Variants in SAMMSON observed in about 807,000 individuals in gnomAD.
The protein encoded by SAMMSON is long intergenic non-protein coding RNA 1212.
chr3:70,431,507 TA>T (rs1165689767), intron 2 of SAMMSON, among the ~76,000 whole-genome samples: 7 of 152,006 alleles, frequency 4.6e-5, no homozygotes, highest in Non-Finnish European at 8.8e-5. Flanking sequence ...AATCTGTCTC[TA>T]AAAAAATTAG....
At chr3:70,224,765 C>G (rs1192752209) in intron 4 of SAMMSON, among the ~76,000 whole-genome samples, 1 of 151,934 alleles carries the variant, frequency 6.6e-6, no homozygotes, top group Non-Finnish European at 1.5e-5. Context: ...AATGCTATTT[C>G]CAATTTTGCG....
chr3:70,103,779 A>G (rs140107932), intron 4 of SAMMSON, among the ~76,000 whole-genome samples: 33 of 152,320 alleles, frequency 2.2e-4, no homozygotes, highest in African/African-American at 7.0e-4. Context: ...ACTTGAAACA[A>G]TCATCTTAGA....
intron 2 of SAMMSON, among the ~76,000 whole-genome samples, chr3:70,433,622 A>C (rs570552960): frequency 6.6e-6 from 1 of 152,168 alleles, no homozygotes; most frequent in African/African-American, 2.4e-5. Context: ...TCATTCTAAT[A>C]GCTGTCTTTT....
At chr3:70,319,287 A>G (rs1165417336) in intron 7 of SAMMSON, among the ~76,000 whole-genome samples, 5 of 152,224 alleles carry the variant, frequency 3.3e-5, no homozygotes, top group African/African-American at 2.4e-5. Context: ...GGAAAAGGAC[A>G]GTGAAGTCGA....
chr3:70,350,215 A>T (rs1365990814), intron 7 of SAMMSON, among the ~76,000 whole-genome samples: 3 of 152,176 alleles, frequency 2.0e-5, no homozygotes, highest in African/African-American at 7.2e-5. Flanking sequence ...AATTGAAAAT[A>T]ATCTGTTTAC....
chr3:70,393,597 T>A (rs564036229), downstream of SAMMSON, among the ~76,000 whole-genome samples: 13 of 152,236 alleles, frequency 8.5e-5, no homozygotes, highest in Non-Finnish European at 1.6e-4. Flanking sequence ...AGGTTTGTGA[T>A]AAAAGCTTCT....
intron 6 of SAMMSON, among the ~76,000 whole-genome samples, chr3:70,263,095 C>A (rs1008510380): frequency 6.6e-6 from 1 of 152,054 alleles, no homozygotes; most frequent in African/African-American, 2.4e-5. Flanking sequence ...TATCTTTGAG[C>A]ATATAGGACA....
At chr3:70,068,511 C>G (rs1337028227) in intron 3 of SAMMSON, 1 of 151,964 alleles carries the variant, frequency 6.6e-6, no homozygotes, top group African/African-American at 2.4e-5. Flanking sequence ...TAGCAGTAAC[C>G]GCTTATGGGA....
chr3:70,278,283 G>T (rs2106678737), intron 6 of SAMMSON, among the ~76,000 whole-genome samples: 1 of 152,242 alleles, frequency 6.6e-6, no homozygotes, highest in South Asian at 2.1e-4. Flanking sequence ...TTGCTTTGTA[G>T]TACTCCATGA....
rs2066901952 is a variant in SAMMSON at position 70,000,574 on chromosome 3, G to A, written n.22+707G>A. ...CATATTTCTGTTTAGCAAATAGCAG[G>A]AGTGTATAAAACATTTCTCTTTTCA... On this transcript the variant is annotated intron_variant and non_coding_transcript_variant, in intron 1 of 9. Transcript: ENST00000642114. Among the ~76,000 whole-genome samples the A allele has an allele frequency of 1.3e-5, 2 of 152,188 alleles. 1 individual carries two copies. The highest frequency in any genetic ancestry group is 4.1e-4 in the South Asian group (2 of 4,828).
intron 9 of SAMMSON, among the ~76,000 whole-genome samples, chr3:70,372,372 C>T (rs1387769680): frequency 3.3e-5 from 5 of 151,966 alleles, no homozygotes; most frequent in Non-Finnish European, 5.9e-5. Flanking sequence ...AGTACAATGG[C>T]GTGATCTTGG....
At chr3:70,081,366 G>A (rs894013375) in intron 4 of SAMMSON, among the ~76,000 whole-genome samples, 31 of 152,298 alleles carry the variant, frequency 2.0e-4, no homozygotes, top group African/African-American at 4.3e-4. Flanking sequence ...GCCCATGTAG[G>A]CCTCCCAAAG....
chr3:70,000,539 C>T (rs900276764), intron 1 of SAMMSON, among the ~76,000 whole-genome samples: 1 of 152,128 alleles, frequency 6.6e-6, no homozygotes, highest in Non-Finnish European at 1.5e-5. Context: ...GACGTTATGC[C>T]AAATGTAAAC....
At chr3:70,387,533 T>C (rs1481479072) in intron 9 of SAMMSON, among the ~76,000 whole-genome samples, 1 of 152,106 alleles carries the variant, frequency 6.6e-6, no homozygotes, top group Non-Finnish European at 1.5e-5. Context: ...TGGGTGGATA[T>C]ATTTTCTCAC....
intron 4 of SAMMSON, among the ~76,000 whole-genome samples, chr3:70,212,848 TG>T (rs1701364851): frequency 6.6e-6 from 1 of 151,910 alleles, no homozygotes; most frequent in Non-Finnish European, 1.5e-5. Context: ...AGTGCAGTGG[TG>T]GTGGTGCAAT....
intron 7 of SAMMSON, among the ~76,000 whole-genome samples, chr3:70,316,524 T>C (rs1005815009): frequency 6.6e-5 from 10 of 152,080 alleles, no homozygotes; most frequent in Non-Finnish European, 1.0e-4. Context: ...ATCTCTGTTG[T>C]TCAGTATACT....
At chr3:70,008,882 C>A (rs920434130) in intron 1 of SAMMSON, among the ~76,000 whole-genome samples, 3 of 151,974 alleles carry the variant, frequency 2.0e-5, no homozygotes, top group Non-Finnish European at 2.9e-5. Context: ...CCTTTTCTTC[C>A]TCTGTTGAGA....
intron 4 of SAMMSON, among the ~76,000 whole-genome samples, chr3:70,182,240 TG>T (rs1329219631): frequency 2.0e-5 from 3 of 151,440 alleles, no homozygotes; most frequent in Non-Finnish European, 4.4e-5. Context: ...AAGAAAGGGG[TG>T]GGGGAGCTGA....
chr3:70,143,876 C>A (rs541461842), intron 4 of SAMMSON, among the ~76,000 whole-genome samples: 1 of 152,196 alleles, frequency 6.6e-6, no homozygotes, highest in South Asian at 2.1e-4. Context: ...CCTGCCAGGA[C>A]AGCATATGAT....
Sources: gnomAD v4.1 joint callset for allele counts (sites outside exome capture counted in the v4.1 genomes callset) on GRCh38, gnomAD v4.1.1 for gene constraint, MANE v1.5 for transcripts, NCBI Gene and HGNC (gene_info 2026-07-23, HGNC 2026-07-21) for gene names.